GABRG3: variants seen among roughly 807,000 people sequenced by gnomAD.
The protein encoded by GABRG3 is gamma-aminobutyric acid type A receptor subunit gamma3.
Under a neutral mutation model 48.8 loss-of-function variants are expected in GABRG3, and 25 were observed. That is an observed-to-expected ratio of 0.51 (90% confidence interval 0.37 to 0.72). The LOEUF (loss-of-function observed/expected upper bound fraction) is 0.72. GABRG3 is among the 30% of genes least tolerant of loss of function. The pLI, the probability that GABRG3 is intolerant of heterozygous loss-of-function variation, is 0.00. For missense variants in GABRG3, 394 were observed against 577.9 expected (o/e 0.68, Z 3.26); for synonymous variants, 227 against 217.6 (o/e 1.04, Z -0.38).
intron 3 of GABRG3, among the ~76,000 whole-genome samples, chr15:27,324,235 C>T (rs1893529013): frequency 6.6e-6 from 1 of 152,168 alleles, no homozygotes; most frequent in African/African-American, 2.4e-5. Flanking sequence ...GTATACCTGT[C>T]CTGGTAGAGA....
intron 5 of GABRG3, among the ~76,000 whole-genome samples, chr15:27,362,108 G>T (rs760277698): frequency 2.0e-5 from 3 of 152,100 alleles, no homozygotes; most frequent in Non-Finnish European, 4.4e-5. Context: ...TTATTTGTTC[G>T]CATGAATTTC....
At chr15:27,116,687 G>T (rs1407710796) in intron 3 of GABRG3, among the ~76,000 whole-genome samples, 1 of 152,158 alleles carries the variant, frequency 6.6e-6, no homozygotes, top group African/African-American at 2.4e-5. Context: ...ATTAAGAGGG[G>T]GGCCTTAAGG....
rs139490015 is a variant in GABRG3, at chr15:27,324,148, A to T, written c.271-2661A>T. On this transcript the variant is annotated intron_variant, in intron 3 of 9. Coordinates refer to ENST00000615808, the MANE Select transcript of GABRG3 (RefSeq NM_033223.5). Reference sequence around the variant, plus strand: ...TGTCTTTCTCATCAGAGAAAAATACACTTCTCCCATCTTCAAAGGAGGCAA... The same window carrying T: ...TGTCTTTCTCATCAGAGAAAAATACTCTTCTCCCATCTTCAAAGGAGGCAA... Among the ~76,000 whole-genome samples the T allele has an allele frequency of 3.5e-4, 53 of 152,294 alleles. 1 individual carries two copies. In the East Asian group the frequency reaches 0.01, roughly 29 times the overall value.
intron 3 of GABRG3, among the ~76,000 whole-genome samples, chr15:27,202,051 G>A (rs1407909230): frequency 2.0e-5 from 3 of 152,070 alleles, no homozygotes; most frequent in African/African-American, 7.2e-5. Flanking sequence ...TTTTCATTTT[G>A]CTATCACCTT....
intron 3 of GABRG3, among the ~76,000 whole-genome samples, chr15:27,170,433 G>A (rs2140410254): frequency 6.6e-6 from 1 of 152,068 alleles, no homozygotes; most frequent in South Asian, 2.1e-4. Flanking sequence ...GAACCCTAGA[G>A]CCACCATTAA....
At chr15:27,365,238 G>C (rs558888864) in intron 5 of GABRG3, 5 of 146,336 alleles carry the variant, frequency 3.4e-5, no homozygotes, top group South Asian at 2.2e-4. Flanking sequence ...GCATTCTATA[G>C]ACCTTATTTA....
At chr15:27,327,944 G>A (rs1043642572) in intron 4 of GABRG3, among the ~76,000 whole-genome samples, 8 of 152,106 alleles carry the variant, frequency 5.3e-5, no homozygotes, top group Admixed American at 2.0e-4. Flanking sequence ...AGCCATGTGC[G>A]TACTGAGAAT....
chr15:27,433,751 G>C (rs1182128990), intron 5 of GABRG3, among the ~76,000 whole-genome samples: 1 of 152,182 alleles, frequency 6.6e-6, no homozygotes, highest in East Asian at 1.9e-4. Flanking sequence ...GAATAAATCA[G>C]TACAAGGTAT....
intron 3 of GABRG3, among the ~76,000 whole-genome samples, chr15:27,246,516 A>G (rs1353958052): frequency 1.3e-5 from 2 of 152,238 alleles, no homozygotes; most frequent in Non-Finnish European, 2.9e-5. Flanking sequence ...AATGTATAAG[A>G]CATAACATAA....
intron 3 of GABRG3, among the ~76,000 whole-genome samples, chr15:27,274,285 C>G (rs1209721867): frequency 6.6e-6 from 1 of 152,140 alleles, no homozygotes; most frequent in African/African-American, 2.4e-5. Flanking sequence ...TTTAGTGTTG[C>G]TGTAACACGA....
At chr15:27,125,175 G>A (rs998394800) in intron 3 of GABRG3, among the ~76,000 whole-genome samples, 11 of 152,202 alleles carry the variant, frequency 7.2e-5, no homozygotes, top group Non-Finnish European at 1.3e-4. Flanking sequence ...GAAATGTATC[G>A]CTGTTTTTTA....
At chr15:27,406,144 A>G (rs1887626751) in intron 5 of GABRG3, among the ~76,000 whole-genome samples, 1 of 152,178 alleles carries the variant, frequency 6.6e-6, no homozygotes, top group African/African-American at 2.4e-5. Context: ...TGATAATTAA[A>G]TTTATTGAAA....
At chr15:27,382,584 G>A (rs965128280) in intron 5 of GABRG3, among the ~76,000 whole-genome samples, 16 of 152,190 alleles carry the variant, frequency 1.1e-4, no homozygotes, top group South Asian at 2.1e-4. Flanking sequence ...GCTTTGAAAG[G>A]TTTACTCTGA....
At chr15:27,074,962 A>G (rs1289042051) in intron 3 of GABRG3, among the ~76,000 whole-genome samples, 1 of 152,216 alleles carries the variant, frequency 6.6e-6, no homozygotes, top group African/African-American at 2.4e-5. Flanking sequence ...CATCTTCATC[A>G]GTTTTAAGTA....
chr15:27,272,908 G>T (rs1445924111), intron 3 of GABRG3, among the ~76,000 whole-genome samples: 1 of 152,204 alleles, frequency 6.6e-6, no homozygotes, highest in Admixed American at 6.5e-5. Flanking sequence ...AACAGGCATT[G>T]AAAGATTCTG....
chr15:27,046,203 C>T (rs991880462), intron 3 of GABRG3, among the ~76,000 whole-genome samples: 2 of 152,118 alleles, frequency 1.3e-5, no homozygotes, highest in African/African-American at 4.8e-5. Flanking sequence ...AAGTGATTCT[C>T]CTGCCCCAGC....
At chr15:27,281,679 T>A (rs771144554) in intron 3 of GABRG3, among the ~76,000 whole-genome samples, 14 of 151,862 alleles carry the variant, frequency 9.2e-5, no homozygotes, top group Non-Finnish European at 1.8e-4. Flanking sequence ...TAGGATAAAT[T>A]TGAATTTATT....
At chr15:27,152,251 A>G (rs1898330610) in intron 3 of GABRG3, among the ~76,000 whole-genome samples, 1 of 152,134 alleles carries the variant, frequency 6.6e-6, no homozygotes, top group Admixed American at 6.5e-5. Context: ...TCCTCCATGA[A>G]ATCCCTTTTA....
intron 2 of GABRG3, among the ~76,000 whole-genome samples, chr15:27,018,600 C>T (rs963960371): frequency 1.3e-5 from 2 of 152,080 alleles, no homozygotes; most frequent in Non-Finnish European, 2.9e-5. Context: ...TTGGAGTTGA[C>T]ATCTATAGTT....
Sources: gnomAD v4.1 joint callset for allele counts (sites outside exome capture counted in the v4.1 genomes callset) on GRCh38, gnomAD v4.1.1 for gene constraint, MANE v1.5 for transcripts, NCBI Gene and HGNC (gene_info 2026-07-23, HGNC 2026-07-21) for gene names.